Variants in DUOX1 observed in about 807,000 individuals in gnomAD.
DUOX1 encodes the protein NADPH thyroid oxidase 1.
In DUOX1, 134 loss-of-function variants were observed where a neutral mutation model predicts 181.8. The observed-to-expected ratio is 0.74, with a 90% CI of 0.64 to 0.85. DUOX1 has a LOEUF of 0.85. Ranked by LOEUF, DUOX1 falls within the 40% of genes least tolerant of loss-of-function variation. The pLI is 0.00. For synonymous variants in DUOX1, 798 were observed against 832.5 expected (o/e 0.96, Z 0.71); for missense variants, 1,814 against 2,064.4 (o/e 0.88, Z 2.35).
chr15:45,134,300 G>T lies in DUOX1; in HGVS notation c.298G>T (p.Val100Phe), dbSNP rs539683653. Reference protein sequence around the residue: ...ASLRNRTVLGVFFGYHVLSDL... With the variant: ...ASLRNRTVLGFFFGYHVLSDL... The stretch of plus-strand genomic sequence containing the variant: ...CCTGAGAAACCGCACAGTGTTGGGG[G>T]TCTTCTTTGGTGAGAACTTCAACCT... The change falls in exon 4 of 34, where the codon GTC becomes TTC. Residue 100 changes from valine to phenylalanine, a missense_variant. Coordinates refer to ENST00000389037, the MANE Select transcript of DUOX1 (RefSeq NM_175940.3). 7.5e-6 allele frequency: 12 copies of T among 1,597,118 alleles called. No homozygotes were observed. In the African/African-American group the frequency reaches 1.2e-4, roughly 16 times the overall value.
At position 45,144,991 on chromosome 15, in the gene DUOX1, C is replaced by A. The variant is rs1224377624; in HGVS notation, c.2233C>A (p.Leu745Met). ...CGGGTTGAGCATCCAGGAGTGGGAG[C>A]TGCGGGAGCAGGAGCTGATGAGAGC... ...ESGLSIQEWELREQELMRAAV... is the reference protein window; with the variant it reads ...ESGLSIQEWEMREQELMRAAV... The change falls in exon 18 of 34, where the codon CTG (leucine) becomes ATG (methionine). Residue 745 changes from leucine (L) to methionine (M), a missense_variant. Coordinates refer to ENST00000389037, the MANE Select transcript of DUOX1 (RefSeq NM_175940.3). The A allele has an allele frequency of 5.0e-6, 8 of 1,614,148 alleles. No individual in the cohort carries two copies. The highest frequency in any genetic ancestry group is 6.8e-6 in the Non-Finnish European group (8 of 1,180,018).
chr15:45,144,381 G>C, intron 17 of DUOX1, 146 bp downstream of exon 17: 1 of 831,124 alleles, frequency 1.2e-6, no homozygotes, highest in East Asian at 2.7e-5. Flanking sequence ...TGGAGTACCT[G>C]ATAGAGAGAT....
At chr15:45,130,414 C>T (rs759146379) in intron 1 of DUOX1, among the ~76,000 whole-genome samples, 18 of 152,156 alleles carry the variant, frequency 1.2e-4, no homozygotes, top group Non-Finnish European at 2.6e-4. Flanking sequence ...GCTTTAGGAT[C>T]CAAGCTTTCC....
Position 45,152,369 on chromosome 15 carries a change from A to G in DUOX1, c.3277A>G (p.Ile1093Val). The change falls in exon 25 of 34, where the codon ATC (isoleucine) becomes GTC (valine). Residue 1093 changes from isoleucine (I) to valine (V), a missense_variant. By Grantham distance (29) the Ile-to-Val change is conservative. This residue lies in a region of DUOX1 where 1,064 missense variants were observed against 1,152.9 expected (regional missense o/e 0.92). Coordinates refer to ENST00000389037, the MANE Select transcript of DUOX1 (RefSeq NM_175940.3). ...IILSRGTAAS[I>V]SFMFSYILLT... ...CCTGTCGCGGGGCACAGCAGCCAGCATCTCTTTCATGTTCTCCTACATCTT... is the reference window on the plus strand; with the variant it reads ...CCTGTCGCGGGGCACAGCAGCCAGCGTCTCTTTCATGTTCTCCTACATCTT... The G allele has an allele frequency of 6.2e-7, 1 of 1,614,198 alleles. No individual in the cohort carries two copies. The highest frequency in any genetic ancestry group is 8.5e-7 in the Non-Finnish European group (1 of 1,180,024).
At chr15:45,139,974 T>G in intron 12 of DUOX1, 2 of 885,296 alleles carry the variant, frequency 2.3e-6, no homozygotes, top group East Asian at 4.4e-5. Flanking sequence ...GAGTCAGCTG[T>G]TACACCCTGA....
chr15:45,147,594 C>T lies in DUOX1; in HGVS notation c.2484C>T (p.Asp828=). ...TGGAGTCCATGTTCTCTCTGGCTGA[C>T]AAGGATGGCAATGGCTACCTGTCCT... ...MFVESMFSLA[D]KDGNGYLSFR... Residue 828 remains aspartate (D), a synonymous_variant, in exon 19 of 34, where the codon GAC becomes GAT. Coordinates refer to ENST00000389037, the MANE Select transcript of DUOX1 (RefSeq NM_175940.3). 8 of 1,614,172 alleles carry T rather than the reference C, an allele frequency of 5.0e-6. No individual in the cohort carries two copies. Among genetic ancestry groups the T allele is most frequent in the Non-Finnish European group, 6.8e-6 (8 of 1,180,036 alleles).
chr15:45,164,189 C>T lies in DUOX1; in HGVS notation c.4533+271C>T, dbSNP rs562548294. On this transcript the variant is annotated intron_variant, in intron 33 of 33. Transcript: ENST00000389037. ...ATTGAGCTAGTCCTCGCCAAAAACT[C>T]GGGGCTACCCTCACCACTACCCTCA... Among the ~76,000 whole-genome samples, 99 of 142,276 alleles carry T rather than the reference C, an allele frequency of 7.0e-4. 1 individual carries two copies. In the East Asian group the frequency reaches 0.012, roughly 18 times the overall value. The allele number at this position is 142,276 out of a possible 152,430, so 93.3% of individuals were successfully genotyped here.
At chr15:45,161,354 G>A (rs1897094585) in intron 29 of DUOX1, among the ~76,000 whole-genome samples, 2 of 145,856 alleles carry the variant, frequency 1.4e-5, no homozygotes, top group African/African-American at 5.0e-5. Context: ...GGTAGGCAGA[G>A]GTTGCAGTGA....
At chr15:45,147,705 G>C in intron 19 of DUOX1, 47 bp downstream of exon 19, 2 of 1,609,554 alleles carry the variant, frequency 1.2e-6, no homozygotes, top group South Asian at 2.2e-5. Context: ...GGGCTGATCT[G>C]TTGGAGATGG....
intron 2 of DUOX1, 92 bp downstream of exon 2, chr15:45,132,116 T>C (rs1217732539): frequency 3.4e-6 from 4 of 1,172,786 alleles, no homozygotes; most frequent in Middle Eastern, 2.4e-4. Flanking sequence ...TTGATATTCA[T>C]CTGTATCTTT....
At chr15:45,162,108 C>T (rs1164534963) in intron 30 of DUOX1, 111 bp from the exon 31 acceptor site, 1 of 1,475,072 alleles carries the variant, frequency 6.8e-7, no homozygotes, top group African/African-American at 1.4e-5. Flanking sequence ...GCCACAAATC[C>T]TCCTCTTCCC....
rs959055709 is a variant in DUOX1, at chr15:45,163,640, T to C, written c.4357T>C (p.Tyr1453His). ...DHQDLVSVHI[Y>H]ITQLAEKFDL... ...CCAGGACCTGGTGTCTGTGCACATCTACATCACCCAGCTGGCTGAGAAGTT... is the reference window on the plus strand; with the variant it reads ...CCAGGACCTGGTGTCTGTGCACATCCACATCACCCAGCTGGCTGAGAAGTT... The change falls in exon 32 of 34, where the codon TAC becomes CAC. Residue 1453 changes from tyrosine to histidine, a missense_variant. This residue lies in a region of DUOX1 where 279 missense variants were observed against 381.9 expected (regional missense o/e 0.73). Transcript: ENST00000389037. 6.2e-7 allele frequency: 1 copy of C among 1,613,938 alleles called. No individual in the cohort carries two copies. The highest frequency in any genetic ancestry group is 1.3e-5 in the African/African-American group (1 of 74,888).
chr15:45,140,277 A>C (rs990936169), intron 12 of DUOX1, among the ~76,000 whole-genome samples: 1 of 152,224 alleles, frequency 6.6e-6, no homozygotes, highest in Non-Finnish European at 1.5e-5. Flanking sequence ...TTGAAAGGCC[A>C]ATAAAGAAGT....
At chr15:45,161,619 G>C (rs1567021790) in intron 29 of DUOX1, 119 bp from the exon 30 acceptor site, 2 of 889,090 alleles carry the variant, frequency 2.2e-6, no homozygotes, top group Non-Finnish European at 3.5e-6. Flanking sequence ...CTTCTGATGG[G>C]GGAGGCCTCC....
chr15:45,136,700 C>A (rs746859062), intron 9 of DUOX1, 75 bp downstream of exon 9: 1 of 1,379,722 alleles, frequency 7.2e-7, no homozygotes, highest in Non-Finnish European at 1.0e-6. Flanking sequence ...CCCTCAGGAG[C>A]CCTCTGTACA....
At chr15:45,139,750 A>G in intron 12 of DUOX1, 151 bp downstream of exon 12, 2 of 878,710 alleles carry the variant, frequency 2.3e-6, no homozygotes, top group Non-Finnish European at 3.4e-6. Context: ...CCAATATTAC[A>G]TATCAGGATG....
At chr15:45,145,461 A>G (rs1896627276) in intron 18 of DUOX1, among the ~76,000 whole-genome samples, 1 of 152,206 alleles carries the variant, frequency 6.6e-6, no homozygotes, top group Non-Finnish European at 1.5e-5. Flanking sequence ...TGCAGCTGCC[A>G]GAGCCCTCCA....
In DUOX1 at chr15:45,138,939, C is replaced by T. The variant is rs151161466; in HGVS notation, c.1114-127C>T. The T allele has an allele frequency of 2.5e-4, 204 of 823,730 alleles. 1 individual carries two copies. In the East Asian group the frequency reaches 3.2e-3, roughly 13 times the overall value. 51.0% of individuals were successfully genotyped at this position (823,730 alleles called of 1,614,324 possible). A position where few individuals can be genotyped will look rare whatever the true frequency, so the allele number is the denominator to read the frequency against. Reference sequence around the variant, plus strand: ...AACCTGCAGAAGAGGAATGTCCCACCGGTTTGGGAGCAAACAGCAGGACTG... The same window carrying T: ...AACCTGCAGAAGAGGAATGTCCCACTGGTTTGGGAGCAAACAGCAGGACTG... On this transcript the variant is annotated intron_variant, in intron 10 of 33. Transcript: ENST00000389037.
intron 28 of DUOX1, among the ~76,000 whole-genome samples, chr15:45,158,114 C>G (rs534192873): frequency 6.6e-6 from 1 of 152,312 alleles, no homozygotes; most frequent in African/African-American, 2.4e-5. Flanking sequence ...CCCCATCCCA[C>G]CAGCCAACAA....
Sources: allele counts gnomAD v4.1 joint callset (sites outside exome capture counted in the v4.1 genomes callset), GRCh38; gene constraint gnomAD v4.1.1; regional missense constraint gnomAD v4.1.1; transcripts MANE v1.5; gene names NCBI Gene and HGNC (gene_info 2026-07-23, HGNC 2026-07-21).